The following ADGRL1 variants were observed in gnomAD, a reference collection of about 807,000 sequenced individuals.
The protein encoded by ADGRL1 is CIRL-1.
Under a neutral mutation model 148.9 loss-of-function variants are expected in ADGRL1, and 31 were observed. The ratio of observed to expected loss-of-function variants is 0.21; its 90% CI spans 0.16 to 0.28. The LOEUF (loss-of-function observed/expected upper bound fraction) is 0.28, where lower values mean the gene tolerates loss of function less well. ADGRL1 is among the 10% of genes least tolerant of loss of function. The pLI is 1.00. For synonymous variants in ADGRL1, 937 were observed against 900.3 expected (o/e 1.04, Z -0.73); for missense variants, 1,521 against 2,058.8 (o/e 0.74, Z 5.05).
At chr19:14,204,121 C>T (rs957729699) in intron 1 of ADGRL1, among the ~76,000 whole-genome samples, 5 of 152,176 alleles carry the variant, frequency 3.3e-5, no homozygotes, top group Non-Finnish European at 5.9e-5. Flanking sequence ...AATTAATGGG[C>T]AAGTCAGTTC....
intron 3 of ADGRL1, 97 bp downstream of exon 3, chr19:14,177,434 C>T: frequency 2.7e-6 from 3 of 1,116,790 alleles, no homozygotes; most frequent in Non-Finnish European, 4.0e-6. Context: ...GTGTTGAATG[C>T]ATAAAAAAAA....
intron 1 of ADGRL1, among the ~76,000 whole-genome samples, chr19:14,205,639 C>G (rs1204893811): frequency 7.3e-5 from 11 of 151,464 alleles, no homozygotes; most frequent in Non-Finnish European, 1.6e-4. Context: ...CGCCGCTTCC[C>G]CACAAAGGCT....
intron 2 of ADGRL1, among the ~76,000 whole-genome samples, chr19:14,183,202 A>AGAGAGAGAGAGG (rs1206584234): frequency 6.7e-6 from 1 of 149,016 alleles, no homozygotes; most frequent in African/African-American, 2.5e-5. Flanking sequence ...ACAGAGAGAG[A>AGAGAGAGAGAGG]GAGAGAGAGA....
chr19:14,156,624 G>C (rs200340154), intron 16 of ADGRL1, 34 bp downstream of exon 16: 2 of 1,581,496 alleles, frequency 1.3e-6, no homozygotes, highest in African/African-American at 2.7e-5. Flanking sequence ...GATGAAGGAA[G>C]ATGTGGTGCT....
chr19:14,153,263 C>G (rs913213324), intron 18 of ADGRL1, among the ~76,000 whole-genome samples: 2 of 152,138 alleles, frequency 1.3e-5, no homozygotes, highest in African/African-American at 4.8e-5. Context: ...GACACAAATC[C>G]CTACCTCTGA....
rs1969165067 is a variant in ADGRL1 at position 14,159,903 on chromosome 19, A to G, written c.1801-130T>C. On this transcript the variant is annotated intron_variant, in intron 8 of 22. Coordinates refer to ENST00000361434, the MANE Select transcript of ADGRL1 (RefSeq NM_014921.5). This position sits in a 1 kb window ranked among gnomAD's most constrained non-coding sequence, Gnocchi z 6.0. ...CCCAGGGCTGGGCTATCAGCAAGAC[A>G]TTCCTCAGGGATCCCCAACCCCCAG... is the stretch of plus-strand genomic sequence containing the variant. The G allele has an allele frequency of 8.8e-6, 9 of 1,018,228 alleles. No homozygotes were observed. The highest frequency in any genetic ancestry group is 3.1e-5 in the African/African-American group (2 of 63,710). 63.1% of individuals were successfully genotyped at this position (1,018,228 alleles called of 1,614,324 possible).
At chr19:14,171,033 T>A (rs1416196944) in intron 3 of ADGRL1, 2 of 460,890 alleles carry the variant, frequency 4.3e-6, no homozygotes, top group Middle Eastern at 6.1e-4. Context: ...CAGTTTCTAA[T>A]GAATGGTTTA....
rs1599417493 is a variant in ADGRL1 at position 14,161,610 on chromosome 19, T to C, written c.1212A>G (p.Pro404=). ...TGGCTGTGGTGGTCGTGCTGAGGGG[T>C]GGGGAAGTGGCTGGGCCTGGAGAGG... ...PDPSAGPATS[P]PLSTTTTARP... is the part of the protein sequence containing the mutation. The change falls in exon 6 of 23, where the codon CCA becomes CCG. Residue 404 remains proline (P), a synonymous_variant. Transcript: ENST00000361434. The surrounding 1 kb of genome is among the most constrained non-coding windows in gnomAD (Gnocchi z 4.4). The C allele has an allele frequency of 7.1e-7, 1 of 1,407,636 alleles. No individual in the cohort carries two copies. The highest frequency in any genetic ancestry group is 1.6e-5 in the South Asian group (1 of 61,002). 87.2% of individuals were successfully genotyped at this position (1,407,636 alleles called of 1,614,324 possible).
At chr19:14,184,646 ATT>A (rs368698858) in intron 1 of ADGRL1, among the ~76,000 whole-genome samples, 1 of 97,732 alleles carries the variant, frequency 1.0e-5, no homozygotes, top group African/African-American at 4.2e-5. Context: ...TTATTTATTT[ATT>A]TTTTTTTCTG....
At chr19:14,178,841 C>G (rs139720249) in intron 2 of ADGRL1, among the ~76,000 whole-genome samples, 34 of 152,178 alleles carry the variant, frequency 2.2e-4, no homozygotes, top group African/African-American at 8.2e-4. Flanking sequence ...CAGAAGTGTA[C>G]AGGGGGAAGA....
Position 14,155,503 on chromosome 19 carries a change from C to A in ADGRL1, c.3150G>T (p.Ala1050=), listed in dbSNP as rs760966469. 1 of 1,613,636 alleles carries A rather than the reference C, an allele frequency of 6.2e-7. No individual in the cohort carries two copies. ...AGGTGAGGCCCAGCAGGAACAGCAG[C>A]GCGATGGCCCCCAGCGCCCAGGATC... is the stretch of plus-strand genomic sequence containing the variant. ...NIKSWALGAI[A]LLFLLGLTWA... is the part of the protein sequence containing the mutation. Residue 1050 remains alanine (A), a synonymous_variant, in exon 18 of 23, where the codon GCG becomes GCT. Coordinates refer to ENST00000361434, the MANE Select transcript of ADGRL1 (RefSeq NM_014921.5). The surrounding 1 kb of genome is among the most constrained non-coding windows in gnomAD (Gnocchi z 5.0).
rs747155466 is a variant in ADGRL1 at position 14,159,146 on chromosome 19, G to A, written c.2093C>T (p.Pro698Leu). ...AGACAGCTGGATGGAGTTCTTTCTCGGGTACTCCTCCTGGGGGAACACCAG... is the reference window on the plus strand; with the variant it reads ...AGACAGCTGGATGGAGTTCTTTCTCAGGTACTCCTCCTGGGGGAACACCAG... ...QELVFPQEEY[P>L]RKNSIQLSAK... The change falls in exon 11 of 23, where the codon CCG becomes CTG. Residue 698 changes from proline to leucine, a missense_variant. Pro to Leu is a moderately conservative substitution (Grantham distance 98, BLOSUM62 -3). This residue lies in a region of ADGRL1 where 265 missense variants were observed against 431.9 expected (regional missense o/e 0.61). Coordinates refer to ENST00000361434, the MANE Select transcript of ADGRL1 (RefSeq NM_014921.5). This position sits in a 1 kb window ranked among gnomAD's most constrained non-coding sequence, Gnocchi z 6.0. 2.5e-5 allele frequency: 40 copies of A among 1,613,976 alleles called. No homozygotes were observed. Among genetic ancestry groups the A allele is most frequent in the South Asian group, 7.7e-5 (7 of 91,084 alleles).
intron 3 of ADGRL1, among the ~76,000 whole-genome samples, chr19:14,175,501 TAAAC>T (rs1970761801): frequency 6.6e-6 from 1 of 150,942 alleles, no homozygotes; most frequent in Non-Finnish European, 1.5e-5. Context: ...CACGTACACT[TAAAC>T]ACACCCAAAT....
chr19:14,157,463 G>A lies in ADGRL1; in HGVS notation c.2536-3C>T, dbSNP rs1385544919. ...AGCTCGTTGATGCGGCCCTGGTACT[G>A]GGGACAGGAACAGGGGGCACGCTCA... On this transcript the variant is annotated splice_polypyrimidine_tract_variant and splice_region_variant and intron_variant, in intron 13 of 22. Transcript: ENST00000361434. The surrounding 1 kb of genome is among the most constrained non-coding windows in gnomAD (Gnocchi z 7.5). The A allele has an allele frequency of 1.2e-6, 2 of 1,613,812 alleles. No homozygotes were observed. Among genetic ancestry groups the A allele is most frequent in the African/African-American group, 1.3e-5 (1 of 75,050 alleles).
rs371331082 is a variant in ADGRL1 at position 14,204,171 on chromosome 19, C to T, written c.-96+1814G>A. Among the ~76,000 whole-genome samples the T allele has an allele frequency of 2.5e-4, 38 of 152,244 alleles. No homozygotes were observed. In the East Asian group the frequency reaches 6.2e-3, roughly 25 times the overall value. ...GACAAATTGCTAGTTAGGAAAATCACGGATAATTTTCTCGATATGATAATG... is the reference window on the plus strand; with the variant it reads ...GACAAATTGCTAGTTAGGAAAATCATGGATAATTTTCTCGATATGATAATG... On this transcript the variant is annotated intron_variant, in intron 1 of 22. Transcript: ENST00000361434.
At position 14,166,754 on chromosome 19, in the gene ADGRL1, C is replaced by G. The variant is rs532303823; in HGVS notation, c.395-3348G>C. Among the ~76,000 whole-genome samples the G allele has an allele frequency of 7.3e-5, 11 of 151,418 alleles. No individual in the cohort carries two copies. In the East Asian group the frequency reaches 2.0e-3, roughly 27 times the overall value. ...AGGGCCAGGGACCAGGAAGGAGGGA[C>G]AGAGAGAGACAGAAACAGCGAGAGA... On this transcript the variant is annotated intron_variant, in intron 4 of 22. Transcript: ENST00000361434.
rs1224605020 is a variant in ADGRL1 at position 14,162,497 on chromosome 19, T to G, written c.1195+109A>C. ...GCTGTGAATTTCCTTTACCTCCCGA[T>G]CCCCAAGAGCTCACAGGATGGGGCT... On this transcript the variant is annotated intron_variant, in intron 5 of 22. Coordinates refer to ENST00000361434, the MANE Select transcript of ADGRL1 (RefSeq NM_014921.5). The surrounding 1 kb of genome is among the most constrained non-coding windows in gnomAD (Gnocchi z 5.4). 3 of 938,230 alleles carry G rather than the reference T, an allele frequency of 3.2e-6. No individual in the cohort carries two copies. The highest frequency in any genetic ancestry group is 4.8e-6 in the Non-Finnish European group (3 of 618,740). 58.1% of individuals were successfully genotyped at this position (938,230 alleles called of 1,614,324 possible). A position where few individuals can be genotyped will look rare whatever the true frequency, so the allele number is the denominator to read the frequency against.
rs376011510 is a variant in ADGRL1 at position 14,193,211 on chromosome 19, T to C, written c.-95-9514A>G. On this transcript the variant is annotated intron_variant, in intron 1 of 22. Coordinates refer to ENST00000361434, the MANE Select transcript of ADGRL1 (RefSeq NM_014921.5). Reference sequence around the variant, plus strand: ...GGGTGTCCCCCGGGAGACCCAGGCCTGACCATCCCTGAGGCCTCTGGAGGG... The same window carrying C: ...GGGTGTCCCCCGGGAGACCCAGGCCCGACCATCCCTGAGGCCTCTGGAGGG... Among the ~76,000 whole-genome samples, 71 of 142,344 alleles carry C rather than the reference T, an allele frequency of 5.0e-4. 1 individual carries two copies. In the East Asian group the frequency reaches 0.012, roughly 24 times the overall value. 93.4% of individuals were successfully genotyped at this position (142,344 alleles called of 152,430 possible).
In ADGRL1 at chr19:14,157,506, C is replaced by T. The variant is rs551793499; in HGVS notation, c.2536-46G>A. 78 of 1,587,330 alleles carry T rather than the reference C, an allele frequency of 4.9e-5. No individual in the cohort carries two copies. The highest frequency in any genetic ancestry group is 5.6e-5 in the Non-Finnish European group (65 of 1,158,042). ...CACGCTCAGGGCCTTTGGTTTTGCA[C>T]GCTGGGCTCAGCCAGGTGCCAGCCA... On this transcript the variant is annotated intron_variant, in intron 13 of 22. Transcript: ENST00000361434. The surrounding 1 kb of genome is among the most constrained non-coding windows in gnomAD (Gnocchi z 7.5).
Sources: allele counts gnomAD v4.1 joint callset (sites outside exome capture counted in the v4.1 genomes callset), GRCh38; gene constraint gnomAD v4.1.1; regional missense constraint gnomAD v4.1.1; non-coding constraint Gnocchi (gnomAD v3.1); transcripts MANE v1.5; gene names NCBI Gene and HGNC (gene_info 2026-07-23, HGNC 2026-07-21).